ZNF804B: variants seen among roughly 807,000 people sequenced by gnomAD.
ZNF804B encodes zinc finger protein 804B.
Under a neutral mutation model 101.4 loss-of-function variants are expected in ZNF804B, and 80 were observed. The ratio of observed to expected loss-of-function variants is 0.79; its 90% CI spans 0.66 to 0.95. ZNF804B has a LOEUF of 0.95. Ranked by LOEUF, ZNF804B falls within the 40% of genes least tolerant of loss-of-function variation. ZNF804B has a pLI of 0.00. For synonymous variants in ZNF804B, 622 were observed against 558.8 expected (o/e 1.11, Z -1.59); for missense variants, 1,673 against 1,561.9 (o/e 1.07, Z -1.20).
intron 1 of ZNF804B, among the ~76,000 whole-genome samples, chr7:89,002,396 A>G (rs1364750704): frequency 6.6e-6 from 1 of 151,884 alleles, no homozygotes; most frequent in African/African-American, 2.4e-5. Context: ...CCACAATAAC[A>G]TGCTTGCATT....
intron 1 of ZNF804B, among the ~76,000 whole-genome samples, chr7:88,994,269 G>A (rs1335213979): frequency 6.6e-6 from 1 of 151,806 alleles, no homozygotes; most frequent in African/African-American, 2.4e-5. Context: ...TATGGCACAG[G>A]TTGTTTATGT....
intron 2 of ZNF804B, among the ~76,000 whole-genome samples, chr7:89,235,727 A>C (rs2115750352): frequency 6.6e-6 from 1 of 152,132 alleles, no homozygotes; most frequent in South Asian, 2.1e-4. Context: ...TTCTGTGGGC[A>C]AAACCTGATG....
chr7:89,031,604 C>A (rs1433593220), intron 1 of ZNF804B, among the ~76,000 whole-genome samples: 1 of 151,052 alleles, frequency 6.6e-6, no homozygotes, highest in African/African-American at 2.4e-5. Flanking sequence ...CTTGTTCTGC[C>A]ATTAAAATTT....
At chr7:88,767,117 C>G (rs1789996013) in intron 1 of ZNF804B, among the ~76,000 whole-genome samples, 1 of 152,132 alleles carries the variant, frequency 6.6e-6, no homozygotes, top group South Asian at 2.1e-4. Context: ...TTGGTTCACA[C>G]ATAAATGTTG....
intron 1 of ZNF804B, among the ~76,000 whole-genome samples, chr7:88,923,158 C>T (rs1017456334): frequency 7.9e-5 from 12 of 151,918 alleles, no homozygotes; most frequent in East Asian, 1.9e-4. Context: ...TTGTGTGTGA[C>T]GTGAGCTGAC....
At chr7:88,809,144 A>G (rs1790737816) in intron 1 of ZNF804B, among the ~76,000 whole-genome samples, 2 of 152,216 alleles carry the variant, frequency 1.3e-5, no homozygotes, top group African/African-American at 4.8e-5. Context: ...ATGTGAAAGA[A>G]TCTGCCTTAC....
At chr7:88,821,482 C>A (rs995349106) in intron 1 of ZNF804B, among the ~76,000 whole-genome samples, 2 of 151,944 alleles carry the variant, frequency 1.3e-5, no homozygotes, top group Admixed American at 1.3e-4. Flanking sequence ...AAATGTATTT[C>A]TTGTATATGC....
chr7:89,077,166 T>G (rs914832342), intron 1 of ZNF804B, among the ~76,000 whole-genome samples: 8 of 152,262 alleles, frequency 5.3e-5, no homozygotes, highest in African/African-American at 1.9e-4. Flanking sequence ...TAAACTTAAC[T>G]GCTGTAGGGC....
intron 2 of ZNF804B, among the ~76,000 whole-genome samples, chr7:89,310,621 C>T (rs770258058): frequency 6.6e-5 from 10 of 152,164 alleles, no homozygotes; most frequent in Non-Finnish European, 1.5e-4. Context: ...ATACTTCTGT[C>T]TGCAATATTC....
At chr7:88,786,436 A>AT (rs529324425) in intron 1 of ZNF804B, among the ~76,000 whole-genome samples, 7 of 152,030 alleles carry the variant, frequency 4.6e-5, no homozygotes, top group Admixed American at 1.3e-4. Flanking sequence ...AGCACTGCTG[A>AT]TTTTTTTTCT....
intron 2 of ZNF804B, among the ~76,000 whole-genome samples, chr7:89,257,075 C>T (rs1284830041): frequency 1.3e-5 from 2 of 152,120 alleles, no homozygotes; most frequent in Non-Finnish European, 2.9e-5. Flanking sequence ...TGTGTTACTA[C>T]CCTGTAAAAT....
chr7:88,778,414 C>T (rs930027078), intron 1 of ZNF804B, among the ~76,000 whole-genome samples: 2 of 152,200 alleles, frequency 1.3e-5, no homozygotes, highest in African/African-American at 4.8e-5. Context: ...TGCAAGACAG[C>T]ACTCACAGGT....
chr7:88,767,173 G>A (rs1179228130), intron 1 of ZNF804B, among the ~76,000 whole-genome samples: 1 of 152,116 alleles, frequency 6.6e-6, no homozygotes, highest in African/African-American at 2.4e-5. Context: ...CAAATGGTAA[G>A]AACTACTCTA....
At chr7:88,862,230 T>G (rs1244647574) in intron 1 of ZNF804B, among the ~76,000 whole-genome samples, 1 of 152,148 alleles carries the variant, frequency 6.6e-6, no homozygotes, top group Non-Finnish European at 1.5e-5. Context: ...GCCTACTCAG[T>G]CCCTTGGATC....
chr7:88,765,414 A>C (rs1245916214), intron 1 of ZNF804B, among the ~76,000 whole-genome samples: 1 of 152,136 alleles, frequency 6.6e-6, no homozygotes, highest in Non-Finnish European at 1.5e-5. Context: ...TTGCTGTATA[A>C]AGTGTATGCA....
intron 2 of ZNF804B, among the ~76,000 whole-genome samples, chr7:89,322,930 A>G (rs1790841639): frequency 6.6e-6 from 1 of 152,200 alleles, no homozygotes; most frequent in East Asian, 1.9e-4. Flanking sequence ...TTATGAGGCC[A>G]TTATTACCAT....
At chr7:89,044,974 C>G (rs1264259556) in intron 1 of ZNF804B, among the ~76,000 whole-genome samples, 1 of 152,170 alleles carries the variant, frequency 6.6e-6, no homozygotes, top group African/African-American at 2.4e-5. Context: ...CACAGTAGCC[C>G]CATCCATCAC....
chr7:89,282,683 T>A (rs1380523827), intron 2 of ZNF804B, among the ~76,000 whole-genome samples: 1 of 152,142 alleles, frequency 6.6e-6, no homozygotes, highest in African/African-American at 2.4e-5. Context: ...AAGGGGGTTG[T>A]AAATAAAGTA....
At chr7:88,974,175 C>T (rs1584048159) in intron 1 of ZNF804B, among the ~76,000 whole-genome samples, 1 of 151,360 alleles carries the variant, frequency 6.6e-6, no homozygotes, top group East Asian at 2.0e-4. Flanking sequence ...GTGTTCAAGA[C>T]AGTTTCTTAG....
Sources: allele counts gnomAD v4.1 joint callset (sites outside exome capture counted in the v4.1 genomes callset), GRCh38; gene constraint gnomAD v4.1.1; transcripts MANE v1.5; gene names NCBI Gene and HGNC (gene_info 2026-07-23, HGNC 2026-07-21).